LINGO2: variants seen among roughly 807,000 people sequenced by gnomAD.
The protein encoded by LINGO2 is leucine rich repeat and Ig domain containing 2, also known as leucine-rich repeat and immunoglobulin-like domain-containing nogo receptor-interacting protein 2.
Under a neutral mutation model 30.6 loss-of-function variants are expected in LINGO2, and 14 were observed. The ratio of observed to expected loss-of-function variants is 0.46; its 90% CI spans 0.30 to 0.72. LINGO2 has a LOEUF of 0.72. LINGO2 is among the 30% of genes least tolerant of loss of function. LINGO2 has a pLI of 0.07. For missense variants in LINGO2, 729 were observed against 751.7 expected, an observed-to-expected ratio of 0.97 and a Z score of 0.35; for synonymous variants, 317 against 288.5, an observed-to-expected ratio of 1.10 and a Z score of -1.00.
At chr9:29,159,623 G>A in the LINGO2 span, among the ~76,000 whole-genome samples, 2 of 152,118 alleles carry the variant, frequency 1.3e-5, no homozygotes, top group African/African-American at 4.8e-5. Context: ...TTGGGAGGCT[G>A]AGGCAGGCAG....
the LINGO2 span, among the ~76,000 whole-genome samples, chr9:28,921,732 C>T: frequency 6.6e-6 from 1 of 152,132 alleles, no homozygotes; most frequent in African/African-American, 2.4e-5. Context: ...ATCCACTCAC[C>T]AGTTATTCCA....
rs1023617994 is a variant in LINGO2 at position 28,429,917 on chromosome 9, T to G, written c.-279+46023A>C. Among the ~76,000 whole-genome samples, 2 of 152,056 alleles carry G rather than the reference T, an allele frequency of 1.3e-5. 1 individual carries two copies. The highest frequency in any genetic ancestry group is 2.9e-5 in the Non-Finnish European group (2 of 67,968). ...GATTTGCAGTTCAGTTTCACAAATA[T>G]GTAATATTGGGTCACTGCTTTTGCA... On this transcript the variant is annotated intron_variant, in intron 2 of 5. Coordinates refer to ENST00000379992, the Ensembl canonical transcript of LINGO2.
intron 1 of LINGO2, among the ~76,000 whole-genome samples, chr9:28,504,973 A>G (rs1378334433): frequency 3.3e-5 from 5 of 151,906 alleles, no homozygotes; most frequent in African/African-American, 4.8e-5. Context: ...TGAGGAGACC[A>G]AAATGATTGC....
chr9:28,770,772 G>A, the LINGO2 span, among the ~76,000 whole-genome samples: 1 of 152,114 alleles, frequency 6.6e-6, no homozygotes, highest in African/African-American at 2.4e-5. Flanking sequence ...TATGGATGAG[G>A]GATGAAAGTA....
the LINGO2 span, among the ~76,000 whole-genome samples, chr9:29,153,019 G>A: frequency 1.3e-5 from 2 of 151,910 alleles, no homozygotes; most frequent in African/African-American, 4.8e-5. Flanking sequence ...GTAGGCATAC[G>A]ACTACAGAGT....
At chr9:27,961,615 T>A (rs1001936082) in intron 5 of LINGO2, among the ~76,000 whole-genome samples, 3 of 152,198 alleles carry the variant, frequency 2.0e-5, no homozygotes, top group African/African-American at 7.2e-5. Context: ...GGCAAGCCAT[T>A]AAAGTGTTTT....
At chr9:29,143,460 G>C in the LINGO2 span, among the ~76,000 whole-genome samples, 1 of 152,000 alleles carries the variant, frequency 6.6e-6, no homozygotes, top group African/African-American at 2.4e-5. Context: ...TGAAAAATCA[G>C]ATACATAGAC....
At chr9:28,347,479 T>A (rs887366105) in intron 3 of LINGO2, among the ~76,000 whole-genome samples, 1 of 151,888 alleles carries the variant, frequency 6.6e-6, no homozygotes. Flanking sequence ...ATAAAAGAAG[T>A]TGTCAATACA....
intron 1 of LINGO2, among the ~76,000 whole-genome samples, chr9:28,553,211 G>A (rs1370427033): frequency 6.6e-6 from 1 of 151,934 alleles, no homozygotes; most frequent in African/African-American, 2.4e-5. Context: ...AGCTAAGGGA[G>A]GACATTCAAA....
chr9:28,624,748 T>C (rs1421598311), intron 1 of LINGO2, among the ~76,000 whole-genome samples: 1 of 151,408 alleles, frequency 6.6e-6, no homozygotes, highest in Non-Finnish European at 1.5e-5. Context: ...TTGAGTAGGA[T>C]TGGTATTAGT....
the LINGO2 span, among the ~76,000 whole-genome samples, chr9:28,746,702 A>G: frequency 6.6e-6 from 1 of 152,030 alleles, no homozygotes; most frequent in African/African-American, 2.4e-5. Context: ...AGGAAATAAC[A>G]TAAATAAAAC....
At chr9:29,137,054 ATAC>A in the LINGO2 span, among the ~76,000 whole-genome samples, 1 of 152,130 alleles carries the variant, frequency 6.6e-6, no homozygotes, top group African/African-American at 2.4e-5. Flanking sequence ...CCCCCAAAAA[ATAC>A]ATGCCAAACC....
the LINGO2 span, among the ~76,000 whole-genome samples, chr9:28,849,493 A>T: frequency 6.6e-6 from 1 of 152,014 alleles, no homozygotes; most frequent in Admixed American, 6.6e-5. Flanking sequence ...AAGACTAAAA[A>T]CTTTGCTGTA....
the LINGO2 span, among the ~76,000 whole-genome samples, chr9:28,894,766 C>T: frequency 6.6e-6 from 1 of 151,884 alleles, no homozygotes; most frequent in East Asian, 1.9e-4. Flanking sequence ...TTATCATGTA[C>T]AATATGTTGC....
intron 1 of LINGO2, among the ~76,000 whole-genome samples, chr9:28,558,215 T>A (rs546228134): frequency 6.6e-6 from 1 of 151,506 alleles, no homozygotes; most frequent in African/African-American, 2.4e-5. Context: ...TTCACTATGA[T>A]CTAGCTGATT....
the LINGO2 span, among the ~76,000 whole-genome samples, chr9:28,757,906 C>CT: frequency 6.6e-6 from 1 of 152,038 alleles, no homozygotes; most frequent in African/African-American, 2.4e-5. Flanking sequence ...ATCTAGTGTA[C>CT]TTTTTGCCCT....
chr9:29,042,305 A>G, the LINGO2 span, among the ~76,000 whole-genome samples: 1 of 151,994 alleles, frequency 6.6e-6, no homozygotes, highest in Non-Finnish European at 1.5e-5. Context: ...GAAATTTAAC[A>G]TGCAATTCCC....
At chr9:28,533,130 G>A (rs1041829791) in intron 1 of LINGO2, among the ~76,000 whole-genome samples, 4 of 152,030 alleles carry the variant, frequency 2.6e-5, no homozygotes, top group South Asian at 2.1e-4. Context: ...AATAAGGCAA[G>A]CAGAAAAAGG....
intron 3 of LINGO2, among the ~76,000 whole-genome samples, chr9:28,361,703 T>C (rs1275659534): frequency 6.6e-6 from 1 of 152,186 alleles, no homozygotes; most frequent in African/African-American, 2.4e-5. Context: ...TTTTGCAGAT[T>C]GTGAAACCTA....
Sources: allele counts gnomAD v4.1 joint callset (sites outside exome capture counted in the v4.1 genomes callset), GRCh38; gene constraint gnomAD v4.1.1; transcripts MANE v1.5; gene names NCBI Gene and HGNC (gene_info 2026-07-23, HGNC 2026-07-21).